Variants in SERINC5 observed in about 807,000 individuals in gnomAD.
SERINC5 encodes the protein serine incorporator 5.
SERINC5 carries 41 observed loss-of-function variants against 63.1 expected under a neutral mutation model. That is an observed-to-expected ratio of 0.65 (90% CI 0.51 to 0.84). The LOEUF (loss-of-function observed/expected upper bound fraction) is 0.84, where lower values mean the gene tolerates loss of function less well. Among genes scored for constraint, SERINC5 ranks in the 40% least tolerant of loss-of-function variants. SERINC5 has a pLI of 0.00. For missense variants in SERINC5, 523 were observed against 573.0 expected, an observed-to-expected ratio of 0.91 and a Z score of 0.89; for synonymous variants, 222 against 215.2, an observed-to-expected ratio of 1.03 and a Z score of -0.28.
At chr5:80,115,325 G>C (rs978109792) in intron 11 of SERINC5, among the ~76,000 whole-genome samples, 6 of 151,962 alleles carry the variant, frequency 3.9e-5, no homozygotes, top group Non-Finnish European at 7.4e-5. Context: ...CCAGGAACCA[G>C]ACCTATCATC....
At chr5:80,113,610 G>C (rs958647833) in exon 12 of SERINC5, 1 of 290,032 alleles carries the variant, frequency 3.4e-6, no homozygotes, top group African/African-American at 2.2e-5. Flanking sequence ...ATCATGGCAG[G>C]AGGTGAAAGG....
At chr5:80,133,955 C>G (rs1255578015), downstream of SERINC5, among the ~76,000 whole-genome samples, 7 of 152,298 alleles carry the variant, frequency 4.6e-5, no homozygotes, top group Admixed American at 3.3e-4. Context: ...ACCAGATGAA[C>G]CAATTTATCA....
At position 80,158,950 on chromosome 5, in the gene SERINC5, T is replaced by C. The variant is rs371852371; in HGVS notation, c.872A>G (p.His291Arg). The C allele has an allele frequency of 2.5e-6, 4 of 1,613,702 alleles. No homozygotes were observed. The highest frequency in any genetic ancestry group is 3.4e-6 in the Non-Finnish European group (4 of 1,179,824). ...SKPAEVVLDE[H>R]GKNVTICVPD... ...CACACAGATTGTAACATTTTTCCCA[T>C]GTTCATCTAGAACTTGAAAAGAAAA... The change falls in exon 8 of 12, where the codon CAT becomes CGT. Residue 291 changes from histidine (H) to arginine (R), a missense_variant. Coordinates refer to ENST00000507668, the MANE Select transcript of SERINC5 (RefSeq NM_001174072.3).
intron 1 of SERINC5, among the ~76,000 whole-genome samples, chr5:80,204,079 GC>G (rs1304929899): frequency 1.3e-5 from 2 of 152,186 alleles, no homozygotes; most frequent in Non-Finnish European, 2.9e-5. Context: ...ATGCTCTGGC[GC>G]TCGGGACCCT....
At chr5:80,247,576 C>G (rs530405823) in intron 1 of SERINC5, among the ~76,000 whole-genome samples, 2 of 152,286 alleles carry the variant, frequency 1.3e-5, no homozygotes, top group South Asian at 4.1e-4. Flanking sequence ...GAATGAGCAA[C>G]CATCAAGCAA....
downstream of SERINC5, among the ~76,000 whole-genome samples, chr5:80,136,073 T>C (rs1382313278): frequency 6.6e-6 from 1 of 151,930 alleles, no homozygotes; most frequent in South Asian, 2.1e-4. Context: ...CACCTAAAAA[T>C]GGTTAAGTGC....
At chr5:80,222,197 T>C (rs539413488) in intron 1 of SERINC5, among the ~76,000 whole-genome samples, 15 of 152,060 alleles carry the variant, frequency 9.9e-5, no homozygotes, top group Middle Eastern at 3.4e-3. Context: ...GCTCACTCTC[T>C]AGGGTAAGCA....
chr5:80,143,057 C>G lies in SERINC5; in HGVS notation c.*606G>C. The G allele has an allele frequency of 1.0e-6, 1 of 985,414 alleles. No homozygotes were observed. The highest frequency in any genetic ancestry group is 1.2e-6 in the Non-Finnish European group (1 of 829,960). The allele number at this position is 985,414 out of a possible 1,614,324, so 61.0% of individuals were successfully genotyped here. On this transcript the variant is annotated 3_prime_UTR_variant, in exon 12 of 12. Transcript: ENST00000507668. ...GAAGGGTGCAGGCAGAGAGTGAAGT[C>G]TGTGATTCCCAGCATCACAACCTCA...
chr5:80,217,508 G>C (rs1750721496), intron 1 of SERINC5, among the ~76,000 whole-genome samples: 1 of 152,368 alleles, frequency 6.6e-6, no homozygotes, highest in African/African-American at 2.4e-5. Flanking sequence ...GAGAGCTGGA[G>C]TGCAGAGGAC....
Position 80,177,326 on chromosome 5 carries a change from G to T in SERINC5, c.446C>A (p.Thr149Asn). ...SGAFFIPDQDTFLNAWRYVGA... is the reference protein window; with the variant it reads ...SGAFFIPDQDNFLNAWRYVGA... ...TACCCCATTAGTACCGTTCAGAAAG[G>T]TGTCCTGATCTGGAATGAAGAAAGC... Residue 149 changes from threonine (T) to asparagine (N), a missense_variant, in exon 4 of 12, where the codon ACC becomes AAC. Coordinates refer to ENST00000507668, the MANE Select transcript of SERINC5 (RefSeq NM_001174072.3). 7 of 1,611,834 alleles carry T rather than the reference G, an allele frequency of 4.3e-6. No homozygotes were observed. Among genetic ancestry groups the T allele is most frequent in the Non-Finnish European group, 5.9e-6 (7 of 1,177,984 alleles).
At chr5:80,251,860 C>A (rs562223543) in intron 1 of SERINC5, among the ~76,000 whole-genome samples, 2 of 50,268 alleles carry the variant, frequency 4.0e-5, no homozygotes, top group Admixed American at 2.0e-4. Context: ...AGAATGTTGG[C>A]GCATCTGCCT....
intron 1 of SERINC5, among the ~76,000 whole-genome samples, chr5:80,216,707 A>T (rs1488242173): frequency 6.6e-6 from 1 of 151,584 alleles, no homozygotes; most frequent in Non-Finnish European, 1.5e-5. Context: ...GGTTTTAAAT[A>T]TTTTTTTTTA....
In SERINC5 at chr5:80,143,243, G is replaced by T; in HGVS notation, c.*420C>A. 1.0e-6 allele frequency: 1 copy of T among 991,928 alleles called. No individual in the cohort carries two copies. Among genetic ancestry groups the T allele is most frequent in the Non-Finnish European group, 1.2e-6 (1 of 834,230 alleles). 61.4% of individuals were successfully genotyped at this position (991,928 alleles called of 1,614,324 possible). A position where few individuals can be genotyped will look rare whatever the true frequency, so the allele number is the denominator to read the frequency against. On this transcript the variant is annotated 3_prime_UTR_variant, in exon 12 of 12. Transcript: ENST00000507668. The stretch of plus-strand genomic sequence containing the variant: ...TCTAAGAGGCGGAAGTGAGTGAGAG[G>T]GGTCTGGATTCTGTTAGGCGCTGGG...
At position 80,170,025 on chromosome 5, in the gene SERINC5, A is replaced by C. The variant is rs140040351; in HGVS notation, c.552-479T>G. Among the ~76,000 whole-genome samples the C allele has an allele frequency of 7.1e-3, 1,076 of 152,290 alleles. 14 individuals carry two copies. The highest frequency in any genetic ancestry group is 0.024 in the African/African-American group (1,000 of 41,564). On this transcript the variant is annotated intron_variant, in intron 5 of 11. Transcript: ENST00000507668. ...GAGAAGGCACGCAGGAAAAGGGGGC[A>C]GGTGGTGAGGCAAACGTGACATTCC...
Position 80,140,016 on chromosome 5 carries a change from A to G in SERINC5, c.*3647T>C, listed in dbSNP as rs1044368592. On this transcript the variant is annotated 3_prime_UTR_variant, in exon 12 of 12. Transcript: ENST00000507668. ...AAGCACCAATGATGGCAAAAATTAA[A>G]TAAATACATCATCTTAAAAAGGCAG... is the stretch of plus-strand genomic sequence containing the variant. The G allele has an allele frequency of 9.1e-6, 9 of 985,420 alleles. No homozygotes were observed. The highest frequency in any genetic ancestry group is 8.7e-5 in the African/African-American group (5 of 57,340). The allele number at this position is 985,420 out of a possible 1,614,324, so 61.0% of individuals were successfully genotyped here. A position where few individuals can be genotyped will look rare whatever the true frequency, so the allele number is the denominator to read the frequency against.
chr5:80,192,315 G>C (rs1207566005), intron 2 of SERINC5, among the ~76,000 whole-genome samples: 1 of 152,142 alleles, frequency 6.6e-6, no homozygotes, highest in Non-Finnish European at 1.5e-5. Context: ...TTTGGGCTGC[G>C]GTCCAGCTGT....
downstream of SERINC5, among the ~76,000 whole-genome samples, chr5:80,134,747 T>G (rs529764772): frequency 6.6e-6 from 1 of 152,292 alleles, no homozygotes; most frequent in African/African-American, 2.4e-5. Context: ...CCCAGAAAGA[T>G]GTAAGGAATT....
At chr5:80,164,093 C>T (rs966883729) in intron 7 of SERINC5, among the ~76,000 whole-genome samples, 2 of 152,012 alleles carry the variant, frequency 1.3e-5, no homozygotes, top group African/African-American at 4.8e-5. Flanking sequence ...TCTTGCTTTC[C>T]AGAAATGTAT....
At chr5:80,227,985 G>A (rs893690750) in intron 1 of SERINC5, among the ~76,000 whole-genome samples, 2 of 150,910 alleles carry the variant, frequency 1.3e-5, no homozygotes, top group African/African-American at 2.4e-5. Context: ...ACTTTGAGAG[G>A]CCAAGGTGGG....
Sources: gnomAD v4.1 joint callset for allele counts (sites outside exome capture counted in the v4.1 genomes callset) on GRCh38, gnomAD v4.1.1 for gene constraint, MANE v1.5 for transcripts, NCBI Gene and HGNC (gene_info 2026-07-23, HGNC 2026-07-21) for gene names.